Variants in ACE observed in about 807,000 individuals in gnomAD.
ACE encodes the protein angiotensin-converting enzyme.
In ACE, 122 loss-of-function variants were observed where a neutral mutation model predicts 162.3. The observed-to-expected ratio is 0.75, with a 90% CI of 0.65 to 0.87. The LOEUF is 0.87. ACE is among the 40% of genes least tolerant of loss of function. The pLI, the probability that ACE is intolerant of heterozygous loss-of-function variation, is 0.00. For missense variants in ACE, 1,799 were observed against 1,735.1 expected (o/e 1.04, Z -0.65); for synonymous variants, 796 against 720.6 (o/e 1.10, Z -1.68).
chr17:63,493,966 G>A lies in ACE; in HGVS notation c.3181G>A (p.Ala1061Thr), dbSNP rs773695336. Residue 1061 changes from alanine to threonine, a missense_variant, in exon 21 of 25, where the codon GCC becomes ACC. Coordinates refer to ENST00000290866, the MANE Select transcript of ACE (RefSeq NM_000789.4). ...GATGAAGATGGCCCTTGACAAGATC[G>A]CCTTTATCCCCTTCAGCTACCTCGT... ...FLMKMALDKI[A>T]FIPFSYLVDQ... 58 of 1,614,014 alleles carry A rather than the reference G, an allele frequency of 3.6e-5. No individual in the cohort carries two copies. In the East Asian group the frequency reaches 6.0e-4, roughly 17 times the overall value.
chr17:63,479,052 A>G lies in ACE; in HGVS notation c.463A>G (p.Lys155Glu). The G allele has an allele frequency of 6.2e-7, 1 of 1,613,588 alleles. No individual in the cohort carries two copies. The highest frequency in any genetic ancestry group is 1.1e-5 in the South Asian group (1 of 91,014). ...SNMSRIYSTA[K>E]VCLPNKTATC... ...CATGAGCAGGATCTACTCCACCGCC[A>G]AGGTCTGCCTCCCCAACAAGACTGC... The change falls in exon 3 of 25, where the codon AAG becomes GAG. Residue 155 changes from lysine (K) to glutamate (E), a missense_variant. Physicochemically the swap from Lys to Glu is moderately conservative, Grantham distance 56 (BLOSUM62 1). Transcript: ENST00000290866.
chr17:63,478,054 C>T lies in ACE; in HGVS notation c.373C>T (p.Arg125Cys), dbSNP rs759033270. 2 of 1,600,766 alleles carry T rather than the reference C, an allele frequency of 1.2e-6. No homozygotes were observed. Among genetic ancestry groups the T allele is most frequent in the Non-Finnish European group, 1.7e-6 (2 of 1,173,892 alleles). Residue 125 changes from arginine to cysteine, a missense_variant, in exon 2 of 25, where the codon CGC (arginine) becomes TGC (cysteine). Arg to Cys is a radical substitution (Grantham distance 180). Transcript: ENST00000290866. ...PQLRRIIGAV[R>C]TLGSANLPLA... The stretch of plus-strand genomic sequence containing the variant: ...GCTGCGCAGGATCATCGGAGCTGTG[C>T]GCACCCTGGGCTCTGCCAACCTGCC...
Position 63,491,286 on chromosome 17 carries a change from G to A in ACE, c.2817G>A (p.Glu939=). 1 of 1,614,194 alleles carries A rather than the reference G, an allele frequency of 6.2e-7. No individual in the cohort carries two copies. The highest frequency in any genetic ancestry group is 8.5e-7 in the Non-Finnish European group (1 of 1,180,044). ...TGGGGCTGCTGCCCGTGCCTCCTGA[G>A]TTCTGGAACAAGTCGATGCTGGAGA... is the stretch of plus-strand genomic sequence containing the variant. ...TSLGLLPVPP[E]FWNKSMLEKP... is the part of the protein sequence containing the mutation. Residue 939 remains glutamate (E), a synonymous_variant, in exon 19 of 25, where the codon GAG becomes GAA. Transcript: ENST00000290866. This position sits in a 1 kb window ranked among gnomAD's most constrained non-coding sequence, Gnocchi z 4.4.
Position 63,489,266 on chromosome 17 carries a change from C to T in ACE, c.2641+134C>T, listed in dbSNP as rs1485099693. ...TCCAGCCCTGTGGGGGATGGTTGCCCAGGCTGGAGGGGGGTGGGCGCTGGG... is the reference window on the plus strand; with the variant it reads ...TCCAGCCCTGTGGGGGATGGTTGCCTAGGCTGGAGGGGGGTGGGCGCTGGG... On this transcript the variant is annotated intron_variant, in intron 17 of 24. Coordinates refer to ENST00000290866, the MANE Select transcript of ACE (RefSeq NM_000789.4). The T allele has an allele frequency of 4.3e-6, 5 of 1,152,372 alleles. No homozygotes were observed. The East Asian group carries it at 7.7e-5, about 18-fold the overall frequency. The allele number at this position is 1,152,372 out of a possible 1,614,324, so 71.4% of individuals were successfully genotyped here. A position where few individuals can be genotyped will look rare whatever the true frequency, so the allele number is the denominator to read the frequency against.
At chr17:63,485,010 G>A (rs747820655) in intron 12 of ACE, 27 of 1,610,382 alleles carry the variant, frequency 1.7e-5, no homozygotes, top group Middle Eastern at 3.3e-4. Flanking sequence ...GCAACAACCA[G>A]CAGCCAGACA....
chr17:63,478,444 T>C, intron 2 of ACE: 1 of 344,488 alleles, frequency 2.9e-6, no homozygotes, highest in South Asian at 2.8e-5. Flanking sequence ...GGTGGGCGCA[T>C]CGCTTGAGCC....
At chr17:63,482,781 T>A in intron 8 of ACE, 92 bp downstream of exon 8, 2 of 1,389,018 alleles carry the variant, frequency 1.4e-6, no homozygotes, top group South Asian at 1.2e-5. Flanking sequence ...AGCTCTGCCC[T>A]TCTTTCTGCC....
rs1427335512 is a variant in ACE, at chr17:63,497,742, G to A, written c.*376G>A. 2 of 426,678 alleles carry A rather than the reference G, an allele frequency of 4.7e-6. No individual in the cohort carries two copies. Among genetic ancestry groups the A allele is most frequent in the African/African-American group, 2.0e-5 (1 of 49,562 alleles). The allele number at this position is 426,678 out of a possible 1,614,324, so 26.4% of individuals were successfully genotyped here. A position where few individuals can be genotyped will look rare whatever the true frequency, so the allele number is the denominator to read the frequency against. ...TCCATCCTCCTTCAGGAGCCGGGGA[G>A]GATCCCCAGAGCTCTGCCCCAGCAC... On this transcript the variant is annotated 3_prime_UTR_variant, in exon 25 of 25. Coordinates refer to ENST00000290866, the MANE Select transcript of ACE (RefSeq NM_000789.4).
In ACE at chr17:63,483,570, C is replaced by CCCCCCCCCCCCCCCCCCCCA; in HGVS notation, c.1586+14_1586+15insCCCCCCCCCCCCCCCCCACC. The CCCCCCCCCCCCCCCCCCCCA allele has an allele frequency of 1.2e-6, 1 of 803,460 alleles. No individual in the cohort carries two copies. Among genetic ancestry groups the CCCCCCCCCCCCCCCCCCCCA allele is most frequent in the Non-Finnish European group, 2.0e-6 (1 of 509,412 alleles). 49.8% of individuals were successfully genotyped at this position (803,460 alleles called of 1,614,324 possible). A position where few individuals can be genotyped will look rare whatever the true frequency, so the allele number is the denominator to read the frequency against. ...ACACCATACATCAGGTATTAGCGCC[C>CCCCCCCCCCCCCCCCCCCCA]CCACCCCACCCACCCCCAGTACTGT... On this transcript the variant is annotated intron_variant, in intron 10 of 24. Transcript: ENST00000290866.
At chr17:63,486,924 G>C in intron 14 of ACE, 62 bp from the exon 15 acceptor site, 1 of 1,509,964 alleles carries the variant, frequency 6.6e-7, no homozygotes, top group Non-Finnish European at 9.2e-7. Context: ...TGGGGGTAGT[G>C]CAGGCCCCAG....
Position 63,478,915 on chromosome 17 carries a change from T to C in ACE, c.418-92T>C, listed in dbSNP as rs566071946. On this transcript the variant is annotated intron_variant, in intron 2 of 24. Coordinates refer to ENST00000290866, the MANE Select transcript of ACE (RefSeq NM_000789.4). ...ACTGAGTGGCCTTGTCCAAGCTACA[T>C]CCACTCTGTGGGCTCCTCCTTCTAG... The C allele has an allele frequency of 8.4e-5, 92 of 1,094,114 alleles. 3 individuals carry two copies. In the South Asian group the frequency reaches 1.2e-3, roughly 14 times the overall value. The allele number at this position is 1,094,114 out of a possible 1,614,324, so 67.8% of individuals were successfully genotyped here.
chr17:63,493,575 A>G lies in ACE; in HGVS notation c.3052A>G (p.Ile1018Val), dbSNP rs2030528735. 6.2e-7 allele frequency: 1 copy of G among 1,614,066 alleles called. No individual in the cohort carries two copies. Among genetic ancestry groups the G allele is most frequent in the Non-Finnish European group, 8.5e-7 (1 of 1,180,048 alleles). Residue 1018 changes from isoleucine (I) to valine (V), a missense_variant, in exon 20 of 25, where the codon ATT becomes GTT. By Grantham distance (29) the Ile-to-Val change is conservative. Transcript: ENST00000290866. ...TGCCAACCCCGGCTTCCATGAGGCC[A>G]TTGGGGACGTGCTAGCCCTCTCAGT... Reference protein sequence around the residue: ...EGANPGFHEAIGDVLALSVST... With the variant: ...EGANPGFHEAVGDVLALSVST...
rs373616533 is a variant in ACE at position 63,480,478 on chromosome 17, A to G, written c.797A>G (p.Tyr266Cys). ...GTCCGCCGCGCACTGCATCGCCGAT[A>G]CGGAGACAGATACATCAACCTCAGG... Reference protein sequence around the residue: ...AFVRRALHRRYGDRYINLRGP... With the variant: ...AFVRRALHRRCGDRYINLRGP... Residue 266 changes from tyrosine (Y) to cysteine (C), a missense_variant, in exon 5 of 25, where the codon TAC becomes TGC. Tyr to Cys is a radical substitution (Grantham distance 194). Transcript: ENST00000290866. 7 of 1,613,994 alleles carry G rather than the reference A, an allele frequency of 4.3e-6. No homozygotes were observed. Among genetic ancestry groups the G allele is most frequent in the Non-Finnish European group, 5.9e-6 (7 of 1,180,042 alleles).
chr17:63,483,129 G>T lies in ACE; in HGVS notation c.1443G>T (p.Gly481=). ...VDQWRWGVFS[G]RTPPSRYNFD... ...AGTGGCGCTGGGGGGTCTTTAGTGG[G>T]CGTACCCCCCCTTCCCGCTACAACT... The change falls in exon 9 of 25, where the codon GGG becomes GGT. Residue 481 remains glycine, a synonymous_variant. Coordinates refer to ENST00000290866, the MANE Select transcript of ACE (RefSeq NM_000789.4). The T allele has an allele frequency of 6.2e-7, 1 of 1,614,078 alleles. No homozygotes were observed.
intron 8 of ACE, among the ~76,000 whole-genome samples, 157 bp from the exon 9 acceptor site, chr17:63,482,872 G>T (rs535047442): frequency 6.6e-6 from 1 of 152,058 alleles, no homozygotes; most frequent in Admixed American, 6.5e-5. Context: ...CACACCTGGG[G>T]GTCCTCTTCC....
chr17:63,484,596 T>C lies in ACE; in HGVS notation c.1921+55T>C. 6.5e-7 allele frequency: 1 copy of C among 1,550,348 alleles called. No homozygotes were observed. The highest frequency in any genetic ancestry group is 2.3e-5 in the East Asian group (1 of 42,812). Reference sequence around the variant, plus strand: ...CTAAGGTGGGTCCTCAACTCTGGGCTTGGCCCAGGCCCCAGGTTCCTGGTC... The same window carrying C: ...CTAAGGTGGGTCCTCAACTCTGGGCCTGGCCCAGGCCCCAGGTTCCTGGTC... On this transcript the variant is annotated intron_variant, in intron 12 of 24. Coordinates refer to ENST00000290866, the MANE Select transcript of ACE (RefSeq NM_000789.4). The surrounding 1 kb of genome is among the most constrained non-coding windows in gnomAD (Gnocchi z 4.0).
In ACE at chr17:63,497,524, C is replaced by T. The variant is rs771467366; in HGVS notation, c.*158C>T. On this transcript the variant is annotated 3_prime_UTR_variant, in exon 25 of 25. Coordinates refer to ENST00000290866, the MANE Select transcript of ACE (RefSeq NM_000789.4). ...CCCTCCCAGTCCTCCAGACCACCAGCCGCCCCAGCCCCTTCTCCCAGCACA... is the reference window on the plus strand; with the variant it reads ...CCCTCCCAGTCCTCCAGACCACCAGTCGCCCCAGCCCCTTCTCCCAGCACA... The T allele has an allele frequency of 5.8e-5, 43 of 736,992 alleles. No homozygotes were observed. Among genetic ancestry groups the T allele is most frequent in the Admixed American group, 3.6e-4 (18 of 49,988 alleles). 45.7% of individuals were successfully genotyped at this position (736,992 alleles called of 1,614,324 possible). A position where few individuals can be genotyped will look rare whatever the true frequency, so the allele number is the denominator to read the frequency against.
chr17:63,481,595 G>T lies in ACE; in HGVS notation c.975G>T (p.Val325=), dbSNP rs61738840. Residue 325 remains valine, a synonymous_variant, in exon 7 of 25, where the codon GTG becomes GTT. Transcript: ENST00000290866. The part of the protein sequence containing the change: ...QGWNATHMFR[V]AEEFFTSLEL... ...GGAACGCCACGCACATGTTCCGGGT[G>T]GCAGAGGAGTTCTTCACCTCCCTGG... is the stretch of plus-strand genomic sequence containing the variant. 0.01 allele frequency: 16,206 copies of T among 1,614,010 alleles called. 92 individuals are homozygous for T. Among genetic ancestry groups the T allele is most frequent in the Non-Finnish European group, 0.012 (14,497 of 1,180,020 alleles).
At position 63,488,643 on chromosome 17, in the gene ACE, A is replaced by G. The variant is rs756800744; in HGVS notation, c.2306-5A>G. The G allele has an allele frequency of 4.0e-5, 65 of 1,612,764 alleles. No individual in the cohort carries two copies. The highest frequency in any genetic ancestry group is 6.7e-5 in the African/African-American group (5 of 74,560). ...TGGAGCTCAAGGCATTCAAACCCCT[A>G]CCAGATCTGACGAATGTGATGGCCA... On this transcript the variant is annotated splice_polypyrimidine_tract_variant and splice_region_variant and intron_variant, in intron 15 of 24. Transcript: ENST00000290866.
Sources: allele counts gnomAD v4.1 joint callset (sites outside exome capture counted in the v4.1 genomes callset), GRCh38; gene constraint gnomAD v4.1.1; non-coding constraint Gnocchi (gnomAD v3.1); transcripts MANE v1.5; gene names NCBI Gene and HGNC (gene_info 2026-07-23, HGNC 2026-07-21).